The following ATL1 variants were observed in gnomAD, a reference collection of about 807,000 sequenced individuals.
The protein encoded by ATL1 is atlastin GTPase 1.
A neutral mutation model predicts 75.5 loss-of-function variants in ATL1; 31 were observed. The observed-to-expected ratio is 0.41, with a 90% confidence interval of 0.31 to 0.55. The LOEUF is 0.55. Ranked by LOEUF, ATL1 falls within the 20% of genes least tolerant of loss-of-function variation. ATL1 has a pLI of 0.27. For missense variants in ATL1, 405 were observed against 662.6 expected, an observed-to-expected ratio of 0.61 and a Z score of 4.27; for synonymous variants, 226 against 233.3, an observed-to-expected ratio of 0.97 and a Z score of 0.28.
chr14:50,593,808 C>T, intron 4 of ATL1, 38 bp from the exon 5 acceptor site: 1 of 1,353,444 alleles, frequency 7.4e-7, no homozygotes, highest in Non-Finnish European at 1.1e-6. Context: ...AGGATGATGC[C>T]AGTTATCTTA....
chr14:50,552,408 G>A (rs2038713884), intron 1 of ATL1, among the ~76,000 whole-genome samples: 1 of 152,132 alleles, frequency 6.6e-6, no homozygotes, highest in African/African-American at 2.4e-5. Flanking sequence ...TCATGAATAG[G>A]TAGAATCAAT....
In ATL1 at chr14:50,535,685, G is replaced by A. The variant is rs77430215; in HGVS notation, c.-140+2318G>A. ...TTTGTTCTGGATGGCAATAGAACATGTATCTCATTCAGGATTAGTATCAGG... is the reference window on the plus strand; with the variant it reads ...TTTGTTCTGGATGGCAATAGAACATATATCTCATTCAGGATTAGTATCAGG... On this transcript the variant is annotated intron_variant, in intron 1 of 13. Transcript: ENST00000441560. 8.3e-3 allele frequency among the ~76,000 whole-genome samples: 1,270 copies of A among 152,324 alleles called. 15 individuals are homozygous for A. The highest frequency in any genetic ancestry group is 0.029 in the African/African-American group (1,191 of 41,572).
At chr14:50,606,854 A>G (rs2039321032) in intron 6 of ATL1, among the ~76,000 whole-genome samples, 1 of 152,136 alleles carries the variant, frequency 6.6e-6, no homozygotes, top group African/African-American at 2.4e-5. Flanking sequence ...TAAGCAGGCT[A>G]ATGGCAAAAA....
intron 6 of ATL1, among the ~76,000 whole-genome samples, chr14:50,610,686 T>C (rs887267769): frequency 2.0e-5 from 3 of 152,070 alleles, no homozygotes; most frequent in African/African-American, 7.2e-5. Flanking sequence ...AATTAAAAAA[T>C]GAGAAAATGA....
intron 8 of ATL1, among the ~76,000 whole-genome samples, chr14:50,615,765 A>G (rs1275923376): frequency 6.6e-6 from 1 of 152,212 alleles, no homozygotes; most frequent in Non-Finnish European, 1.5e-5. Context: ...AAGCCTTCTT[A>G]CATAAAGAGA....
chr14:50,541,848 A>C (rs2038564893), intron 1 of ATL1, among the ~76,000 whole-genome samples: 2 of 151,746 alleles, frequency 1.3e-5, no homozygotes, highest in African/African-American at 2.4e-5. Flanking sequence ...CTCTCTAAAA[A>C]TACAAAAAAT....
In ATL1 at chr14:50,560,151, T is replaced by G. The variant is rs1348523966; in HGVS notation, c.-115T>G. The stretch of plus-strand genomic sequence containing the variant: ...GCGCCACAGCAACATCCTCAGAGTC[T>G]GAGCGAACTGCGCCCAGCGCGGGCA... On this transcript the variant is annotated 5_prime_UTR_variant, in exon 1 of 14. Coordinates refer to ENST00000358385, the MANE Select transcript of ATL1 (RefSeq NM_015915.5). 1.6e-6 allele frequency: 2 copies of G among 1,272,558 alleles called. No homozygotes were observed. Among genetic ancestry groups the G allele is most frequent in the African/African-American group, 2.9e-5 (2 of 67,804 alleles). 78.8% of individuals were successfully genotyped at this position (1,272,558 alleles called of 1,614,324 possible).
At chr14:50,589,155 C>CTTTTTTTTT (rs34191629) in intron 2 of ATL1, among the ~76,000 whole-genome samples, 105 of 109,348 alleles carry the variant, frequency 9.6e-4, no homozygotes, top group Middle Eastern at 5.6e-3. Flanking sequence ...TTCTTTCTTT[C>CTTTTTTTTT]TTTTTTTTTT....
chr14:50,552,700 A>G (rs2038717730), intron 1 of ATL1, among the ~76,000 whole-genome samples: 1 of 152,220 alleles, frequency 6.6e-6, no homozygotes, highest in Non-Finnish European at 1.5e-5. Flanking sequence ...AGAACCCAGA[A>G]ATAAAGCCAA....
At chr14:50,607,482 G>A (rs11844214) in intron 6 of ATL1, among the ~76,000 whole-genome samples, 1,788 of 152,112 alleles carry the variant, frequency 0.012, 33 homozygotes, top group African/African-American at 0.041. Context: ...GGTGAAAACA[G>A]TAAGTTTTCT....
chr14:50,538,622 G>A (rs1158561331), intron 1 of ATL1, among the ~76,000 whole-genome samples: 5 of 152,204 alleles, frequency 3.3e-5, no homozygotes. Context: ...GTAGACTAGT[G>A]TTATGAGCAG....
chr14:50,535,195 A>C (rs959477947), intron 1 of ATL1, among the ~76,000 whole-genome samples: 1 of 152,232 alleles, frequency 6.6e-6, no homozygotes, highest in African/African-American at 2.4e-5. Flanking sequence ...CTTCTTTGAA[A>C]GTTCTTCAGT....
chr14:50,537,713 G>C (rs1378144940), intron 1 of ATL1, among the ~76,000 whole-genome samples: 1 of 152,214 alleles, frequency 6.6e-6, no homozygotes, highest in Non-Finnish European at 1.5e-5. Flanking sequence ...AGATCATTTT[G>C]GATCTTTAAG....
At chr14:50,630,157 T>A (rs1381708489) in intron 13 of ATL1, 148 bp downstream of exon 13, 1 of 525,728 alleles carries the variant, frequency 1.9e-6, no homozygotes, top group Non-Finnish European at 3.2e-6. Context: ...AATTGTGAAT[T>A]TTTAACATGG....
At chr14:50,619,260 C>T (rs982662427) in intron 8 of ATL1, among the ~76,000 whole-genome samples, 8 of 152,128 alleles carry the variant, frequency 5.3e-5, no homozygotes, top group Non-Finnish European at 1.0e-4. Flanking sequence ...GGGGTTTCAC[C>T]GTGTTAGCCA....
intron 2 of ATL1, among the ~76,000 whole-genome samples, chr14:50,589,444 C>T (rs2140203423): frequency 6.6e-6 from 1 of 152,248 alleles, no homozygotes; most frequent in South Asian, 2.1e-4. Context: ...AGACATGAGC[C>T]ACCATGCCCA....
intron 1 of ATL1, among the ~76,000 whole-genome samples, chr14:50,574,937 G>GTGTATATATA (rs1475087119): frequency 3.9e-4 from 9 of 23,156 alleles, no homozygotes; most frequent in African/African-American, 1.5e-3. Context: ...GTGTGTGTGT[G>GTGTATATATA]TATATATATA....
chr14:50,562,635 G>T (rs768940103), intron 1 of ATL1, among the ~76,000 whole-genome samples: 1 of 150,434 alleles, frequency 6.6e-6, no homozygotes, highest in South Asian at 2.1e-4. Context: ...CATCAGGAAA[G>T]TTTCAACTCA....
intron 1 of ATL1, among the ~76,000 whole-genome samples, chr14:50,580,561 T>C (rs1201445595): frequency 6.6e-6 from 1 of 152,186 alleles, no homozygotes; most frequent in African/African-American, 2.4e-5. Flanking sequence ...CTATAATAGA[T>C]ACCATGTGTT....
Sources: allele counts gnomAD v4.1 joint callset (sites outside exome capture counted in the v4.1 genomes callset), GRCh38; gene constraint gnomAD v4.1.1; transcripts MANE v1.5; gene names NCBI Gene and HGNC (gene_info 2026-07-23, HGNC 2026-07-21).